The following ENKUR variants were observed in gnomAD, a reference collection of about 807,000 sequenced individuals.
The protein encoded by ENKUR is enkurin.
A neutral mutation model predicts 27.6 loss-of-function variants in ENKUR; 19 were observed. The observed-to-expected ratio is 0.69, with a 90% CI of 0.48 to 1.01. ENKUR has a LOEUF of 1.01. ENKUR is among the 50% of genes least tolerant of loss of function. ENKUR has a pLI of 0.00. For synonymous variants in ENKUR, 117 were observed against 96.9 expected (o/e 1.21, Z -1.22); for missense variants, 312 against 310.5 (o/e 1.00, Z -0.04).
chr10:25,059,143 T>G (rs1313857915), intron 2 of ENKUR, among the ~76,000 whole-genome samples: 1 of 148,906 alleles, frequency 6.7e-6, no homozygotes, highest in Admixed American at 6.6e-5. Context: ...TTTTTTTTTT[T>G]TTTTTTTGAG....
chr10:25,001,207 A>C (rs1161411214), intron 1 of ENKUR, among the ~76,000 whole-genome samples: 1 of 152,044 alleles, frequency 6.6e-6, no homozygotes, highest in Non-Finnish European at 1.5e-5. Flanking sequence ...TTCTCCATAA[A>C]GGACATTTTT....
intron 2 of ENKUR, among the ~76,000 whole-genome samples, chr10:25,048,427 G>T (rs16925280): frequency 0.037 from 5,694 of 152,140 alleles, 147 homozygotes; most frequent in Non-Finnish European, 0.059. Flanking sequence ...GGGCAGGTAA[G>T]TCTCATTAGG....
chr10:24,988,233 T>A (rs959566655), intron 4 of ENKUR, among the ~76,000 whole-genome samples: 3 of 145,056 alleles, frequency 2.1e-5, no homozygotes, highest in Non-Finnish European at 3.0e-5. Flanking sequence ...CAAAAAAAAA[T>A]GTATATATAT....
rs573828339 is a variant in ENKUR at position 25,048,835 on chromosome 10, C to A, written c.37+12277G>T. On this transcript the variant is annotated intron_variant, in intron 2 of 5. Coordinates refer to the ENKUR transcript ENST00000615958. Reference sequence around the variant, plus strand: ...AGGTCTTTTTATATCTTTACCCCAGCGATTTGGGGTAAGAATAAAACTTCA... The same window carrying A: ...AGGTCTTTTTATATCTTTACCCCAGAGATTTGGGGTAAGAATAAAACTTCA... Among the ~76,000 whole-genome samples the A allele has an allele frequency of 4.7e-5, 7 of 149,228 alleles. No homozygotes were observed. The East Asian group carries it at 1.4e-3, about 30-fold the overall frequency.
At chr10:25,046,781 T>G (rs1851126280) in intron 2 of ENKUR, among the ~76,000 whole-genome samples, 1 of 152,186 alleles carries the variant, frequency 6.6e-6, no homozygotes, top group Non-Finnish European at 1.5e-5. Flanking sequence ...CAGATTGACT[T>G]TTTTTCACCA....
chr10:25,030,072 C>A (rs1468346799), intron 2 of ENKUR, among the ~76,000 whole-genome samples: 1 of 152,024 alleles, frequency 6.6e-6, no homozygotes, highest in Non-Finnish European at 1.5e-5. Flanking sequence ...GAAGATTTCC[C>A]CTCTTGAGTG....
In ENKUR at chr10:25,016,076, C is replaced by T. The variant is rs1850563251; in HGVS notation, c.-140G>A. 4 of 1,383,864 alleles carry T rather than the reference C, an allele frequency of 2.9e-6. No homozygotes were observed. Among genetic ancestry groups the T allele is most frequent in the Non-Finnish European group, 2.8e-6 (3 of 1,065,442 alleles). The allele number at this position is 1,383,864 out of a possible 1,614,324, so 85.7% of individuals were successfully genotyped here. ...CCACAGGTTCTCTCCTTCACATCGT[C>T]CCCCTTTAACCCCCTCTTAGCAGTC... On this transcript the variant is annotated 5_prime_UTR_variant, in exon 1 of 6. Transcript: ENST00000331161.
intron 2 of ENKUR, among the ~76,000 whole-genome samples, chr10:25,027,356 T>TAAAAAAA (rs1564352066): frequency 0.012 from 555 of 45,720 alleles, 70 homozygotes; most frequent in Middle Eastern, 0.045. Context: ...GACTCCCGTC[T>TAAAAAAA]CAAAAAAAAA....
chr10:25,037,731 T>C (rs1331933469), intron 2 of ENKUR, among the ~76,000 whole-genome samples: 4 of 152,180 alleles, frequency 2.6e-5, no homozygotes, highest in Non-Finnish European at 5.9e-5. Flanking sequence ...TCCTAGATCC[T>C]GCTTGTTTAC....
rs751753058 is a variant in ENKUR at position 24,991,163 on chromosome 10, G to A, written c.448-554C>T. On this transcript the variant is annotated intron_variant, in intron 3 of 5. Coordinates refer to ENST00000331161, the MANE Select transcript of ENKUR (RefSeq NM_145010.4). ...TTTCCCTTTTCTGAATGTTTCCCAC[G>A]CCTGCTCCTGGCTGATACTTTACTC... Among the ~76,000 whole-genome samples, 11 of 152,008 alleles carry A rather than the reference G, an allele frequency of 7.2e-5. No individual in the cohort carries two copies. In the East Asian group the frequency reaches 1.7e-3, roughly 24 times the overall value.
intron 2 of ENKUR, chr10:25,024,577 G>T: frequency 6.2e-7 from 1 of 1,614,088 alleles, no homozygotes; most frequent in Non-Finnish European, 8.5e-7. Context: ...TAATGATTCT[G>T]ATTTTACTGG....
upstream of ENKUR, among the ~76,000 whole-genome samples, chr10:25,020,176 T>A (rs975065458): frequency 1.3e-5 from 2 of 151,898 alleles, no homozygotes; most frequent in African/African-American, 4.8e-5. Context: ...CTAAGGAACA[T>A]GTTTGTGGGA....
rs1403748114 is a variant in ENKUR at position 24,982,620 on chromosome 10, G to T, written c.*1750C>A. 5 of 152,216 alleles carry T rather than the reference G, an allele frequency of 3.3e-5. No individual in the cohort carries two copies. The allele number at this position is 152,216 out of a possible 1,614,324, so 9.4% of individuals were successfully genotyped here. A position where few individuals can be genotyped will look rare whatever the true frequency, so the allele number is the denominator to read the frequency against. On this transcript the variant is annotated 3_prime_UTR_variant, in exon 6 of 6. Coordinates refer to ENST00000331161, the MANE Select transcript of ENKUR (RefSeq NM_145010.4). Reference sequence around the variant, plus strand: ...AGTCACTGGTCAGCTGTCCAAGTCAGATGTTTGTCCCTCTTTTGGGTGATA... The same window carrying T: ...AGTCACTGGTCAGCTGTCCAAGTCATATGTTTGTCCCTCTTTTGGGTGATA...
At chr10:25,051,551 C>T (rs1851186149) in intron 2 of ENKUR, among the ~76,000 whole-genome samples, 1 of 152,136 alleles carries the variant, frequency 6.6e-6, no homozygotes, top group South Asian at 2.1e-4. Context: ...GAGCAAGGGA[C>T]AGGAGAGGTG....
chr10:25,041,986 G>A (rs1851069583), intron 2 of ENKUR, among the ~76,000 whole-genome samples: 1 of 152,102 alleles, frequency 6.6e-6, no homozygotes, highest in Admixed American at 6.6e-5. Context: ...AAGAAAATTA[G>A]TAAGTTGATT....
At position 24,998,194 on chromosome 10, in the gene ENKUR, C is replaced by T. The variant is rs184922408; in HGVS notation, c.223+1207G>A. Among the ~76,000 whole-genome samples, 504 of 152,172 alleles carry T rather than the reference C, an allele frequency of 3.3e-3. 5 individuals carry two copies. The highest frequency in any genetic ancestry group is 0.011 in the African/African-American group (450 of 41,524). Reference sequence around the variant, plus strand: ...TTTTGTTAAAATGTACATCGCTAGCCGGGCTTGAGATGTTGCATTATTTCC... The same window carrying T: ...TTTTGTTAAAATGTACATCGCTAGCTGGGCTTGAGATGTTGCATTATTTCC... On this transcript the variant is annotated intron_variant, in intron 2 of 5. Transcript: ENST00000331161.
At chr10:24,989,397 C>G (rs894577281) in intron 4 of ENKUR, among the ~76,000 whole-genome samples, 3 of 152,192 alleles carry the variant, frequency 2.0e-5, no homozygotes, top group Admixed American at 6.5e-5. Flanking sequence ...TTGAGCCACT[C>G]CTACTGTCTG....
intron 2 of ENKUR, among the ~76,000 whole-genome samples, chr10:25,032,314 A>G (rs1183526604): frequency 2.2e-5 from 3 of 137,198 alleles, no homozygotes; most frequent in Admixed American, 7.1e-5. Flanking sequence ...AGAGTAAAGA[A>G]GGGGGGGGGG....
chr10:25,040,857 G>A (rs10828746), intron 2 of ENKUR, among the ~76,000 whole-genome samples: 17,001 of 152,206 alleles, frequency 0.11, 1,661 homozygotes, highest in African/African-American at 0.27. Context: ...TTACCTTAAT[G>A]AGAACTTGCT....
Sources: gnomAD v4.1 joint callset for allele counts (sites outside exome capture counted in the v4.1 genomes callset) on GRCh38, gnomAD v4.1.1 for gene constraint, MANE v1.5 for transcripts, NCBI Gene and HGNC (gene_info 2026-07-23, HGNC 2026-07-21) for gene names.